Variants in ROBO2 observed in about 807,000 individuals in gnomAD.
ROBO2 encodes roundabout homolog 2.
A neutral mutation model predicts 160.8 loss-of-function variants in ROBO2; 53 were observed. That is an observed-to-expected ratio of 0.33 (90% CI 0.26 to 0.41). The LOEUF is 0.41. Ranked by LOEUF, ROBO2 falls within the 10% of genes least tolerant of loss-of-function variation. The pLI is 1.00. For missense variants in ROBO2, 1,577 were observed against 1,722.4 expected, an observed-to-expected ratio of 0.92 and a Z score of 1.49; for synonymous variants, 664 against 611.7, an observed-to-expected ratio of 1.09 and a Z score of -1.26.
At chr3:77,010,093 GC>G (rs1425771522) in intron 2 of ROBO2, among the ~76,000 whole-genome samples, 1 of 151,734 alleles carries the variant, frequency 6.6e-6, no homozygotes, top group Non-Finnish European at 1.5e-5. Context: ...AAATCAGAAA[GC>G]CTATCCAAAG....
At chr3:77,464,433 C>A (rs2082558264) in intron 2 of ROBO2, among the ~76,000 whole-genome samples, 1 of 152,084 alleles carries the variant, frequency 6.6e-6, no homozygotes, top group Non-Finnish European at 1.5e-5. Context: ...GAGCGTGTTA[C>A]ATTTCAGGAC....
At chr3:77,348,568 T>C (rs1376188763) in intron 2 of ROBO2, among the ~76,000 whole-genome samples, 2 of 152,148 alleles carry the variant, frequency 1.3e-5, no homozygotes, top group African/African-American at 4.8e-5. Flanking sequence ...CCCGGTAAGT[T>C]TCAGCCTTAT....
chr3:76,276,821 C>G lies in ROBO2; in HGVS notation c.109+339219C>G, dbSNP rs149103348. Among the ~76,000 whole-genome samples the G allele has an allele frequency of 1.4e-3, 216 of 152,038 alleles. 1 individual carries two copies. The highest frequency in any genetic ancestry group is 4.8e-3 in the African/African-American group (201 of 41,524). On this transcript the variant is annotated intron_variant, in intron 2 of 26. Coordinates refer to the ROBO2 transcript ENST00000487694. ...GAAGTCTGTGTGATTTACATTAGTACTGTCCAACAGAAATATAACCAGAGC... is the reference window on the plus strand; with the variant it reads ...GAAGTCTGTGTGATTTACATTAGTAGTGTCCAACAGAAATATAACCAGAGC...
chr3:77,374,770 CTAAT>C (rs1249237218), intron 2 of ROBO2, among the ~76,000 whole-genome samples: 1 of 152,098 alleles, frequency 6.6e-6, no homozygotes, highest in East Asian at 1.9e-4. Context: ...TGCTTGTATC[CTAAT>C]TATAGAATTC....
At chr3:76,794,432 T>C (rs974918301) in intron 2 of ROBO2, among the ~76,000 whole-genome samples, 1 of 151,998 alleles carries the variant, frequency 6.6e-6, no homozygotes, top group Non-Finnish European at 1.5e-5. Context: ...TAAACATTCA[T>C]AGGATTCCTA....
At chr3:77,539,827 A>C (rs2092372744) in intron 6 of ROBO2, among the ~76,000 whole-genome samples, 1 of 152,222 alleles carries the variant, frequency 6.6e-6, no homozygotes, top group South Asian at 2.1e-4. Flanking sequence ...CTTAAATTGG[A>C]AAGAACACAA....
intron 2 of ROBO2, among the ~76,000 whole-genome samples, chr3:77,289,050 G>A (rs1207842636): frequency 1.3e-5 from 2 of 152,164 alleles, no homozygotes; most frequent in Non-Finnish European, 2.9e-5. Context: ...CCTGTTGTGA[G>A]TGGGACTGGA....
chr3:77,132,194 C>T (rs1426356737), intron 2 of ROBO2, among the ~76,000 whole-genome samples: 1 of 151,992 alleles, frequency 6.6e-6, no homozygotes, highest in African/African-American at 2.4e-5. Flanking sequence ...ATCCAACACT[C>T]TTGTATTGAA....
At chr3:77,368,043 T>C (rs2071183591) in intron 2 of ROBO2, among the ~76,000 whole-genome samples, 1 of 152,172 alleles carries the variant, frequency 6.6e-6, no homozygotes, top group Non-Finnish European at 1.5e-5. Context: ...ATCTGCCTTG[T>C]CTGAATTTTC....
intron 12 of ROBO2, 38 bp from the exon 14 acceptor site, chr3:77,568,275 T>A (rs759405601): frequency 6.2e-7 from 1 of 1,609,986 alleles, no homozygotes; most frequent in Admixed American, 1.7e-5. Context: ...TTAATATGAA[T>A]TTTTAAAGGT....
intron 2 of ROBO2, among the ~76,000 whole-genome samples, chr3:77,394,348 T>C (rs547041210): frequency 6.6e-6 from 1 of 152,182 alleles, no homozygotes; most frequent in South Asian, 2.1e-4. Context: ...CGCCTCCCTA[T>C]TCTTGAAGTG....
chr3:76,311,553 G>T (rs1363037043), intron 2 of ROBO2: 1 of 152,180 alleles, frequency 6.6e-6, no homozygotes, highest in East Asian at 1.9e-4. Flanking sequence ...GGGGGTCTGC[G>T]TTGCAGATAG....
intron 2 of ROBO2, among the ~76,000 whole-genome samples, chr3:76,321,376 G>C (rs780943749): frequency 6.6e-6 from 1 of 152,008 alleles, no homozygotes; most frequent in Non-Finnish European, 1.5e-5. Flanking sequence ...TTAGCTGGGC[G>C]TGGTGGCGCG....
intron 2 of ROBO2, among the ~76,000 whole-genome samples, chr3:76,384,483 T>G (rs556722681): frequency 1.3e-5 from 2 of 152,328 alleles, no homozygotes; most frequent in East Asian, 3.9e-4. Context: ...GAAGGGAGTC[T>G]GTTAAGCTTT....
chr3:76,027,828 A>G (rs1036934091), intron 2 of ROBO2, among the ~76,000 whole-genome samples: 11 of 152,012 alleles, frequency 7.2e-5, no homozygotes, highest in Non-Finnish European at 1.5e-4. Context: ...TTTACATGAA[A>G]TTGAAATTTA....
chr3:76,064,906 G>C (rs898715853), intron 2 of ROBO2, among the ~76,000 whole-genome samples: 1 of 151,958 alleles, frequency 6.6e-6, no homozygotes, highest in Non-Finnish European at 1.5e-5. Flanking sequence ...ATAAAAGAAA[G>C]GTATGATTTT....
chr3:77,384,483 C>CT (rs1271589229), intron 2 of ROBO2, among the ~76,000 whole-genome samples: 1 of 152,158 alleles, frequency 6.6e-6, no homozygotes, highest in African/African-American at 2.4e-5. Context: ...CCAGTCCTCT[C>CT]TGAACAAGGA....
chr3:76,148,394 C>T (rs1453359694), intron 2 of ROBO2, among the ~76,000 whole-genome samples: 1 of 152,060 alleles, frequency 6.6e-6, no homozygotes, highest in East Asian at 1.9e-4. Context: ...AATCATGCTT[C>T]TTTCCTGTAT....
At chr3:76,933,539 ACT>A (rs1332065271) in intron 2 of ROBO2, among the ~76,000 whole-genome samples, 4 of 152,168 alleles carry the variant, frequency 2.6e-5, no homozygotes, top group Admixed American at 6.5e-5. Context: ...TTTTTAATCA[ACT>A]CTAATTTATT....
Sources: gnomAD v4.1 joint callset for allele counts (sites outside exome capture counted in the v4.1 genomes callset) on GRCh38, gnomAD v4.1.1 for gene constraint, MANE v1.5 for transcripts, NCBI Gene and HGNC (gene_info 2026-07-23, HGNC 2026-07-21) for gene names.